The following SLC9A9 variants were observed in gnomAD, a reference collection of about 807,000 sequenced individuals.
SLC9A9 encodes sodium/hydrogen exchanger 9.
In SLC9A9, 62 loss-of-function variants were observed where a neutral mutation model predicts 77.8. That is an observed-to-expected ratio of 0.80 (90% CI 0.65 to 0.98). The LOEUF (loss-of-function observed/expected upper bound fraction) is 0.98. SLC9A9 is among the 50% of genes least tolerant of loss of function. The pLI, the probability that SLC9A9 is intolerant of heterozygous loss-of-function variation, is 0.00. For synonymous variants in SLC9A9, 320 were observed against 283.5 expected (o/e 1.13, Z -1.29); for missense variants, 775 against 774.9 (o/e 1.00, Z 0.00).
intron 7 of SLC9A9, 94 bp from the exon 8 acceptor site, chr3:143,574,287 T>G: frequency 3.9e-5 from 39 of 999,700 alleles, no homozygotes; most frequent in Non-Finnish European, 5.4e-5. Flanking sequence ...ATGATAGCTC[T>G]AGAGCAAAGT....
intron 11 of SLC9A9, among the ~76,000 whole-genome samples, chr3:143,490,340 T>C (rs1392424883): frequency 3.3e-5 from 5 of 152,156 alleles, no homozygotes; most frequent in Admixed American, 2.6e-4. Flanking sequence ...ATTCAGCCTT[T>C]TTAACAGGAA....
At chr3:143,650,629 G>A (rs1475805397) in intron 6 of SLC9A9, among the ~76,000 whole-genome samples, 3 of 152,188 alleles carry the variant, frequency 2.0e-5, no homozygotes, top group Non-Finnish European at 4.4e-5. Flanking sequence ...TTTTACATTG[G>A]AGCTCACTGG....
chr3:143,516,521 T>A (rs920195837), intron 9 of SLC9A9, among the ~76,000 whole-genome samples: 6 of 152,312 alleles, frequency 3.9e-5, no homozygotes, highest in African/African-American at 1.4e-4. Flanking sequence ...ATGCTACATT[T>A]AATTAGCTGC....
chr3:143,542,570 G>A (rs2036707386), intron 9 of SLC9A9, among the ~76,000 whole-genome samples: 1 of 152,150 alleles, frequency 6.6e-6, no homozygotes, highest in East Asian at 1.9e-4. Flanking sequence ...ATAAGGCATG[G>A]ACACACTGCA....
chr3:143,669,940 A>C (rs1434450342), intron 5 of SLC9A9, among the ~76,000 whole-genome samples: 1 of 152,196 alleles, frequency 6.6e-6, no homozygotes, highest in Non-Finnish European at 1.5e-5. Flanking sequence ...CATCAAAACT[A>C]TTAGTGGGTC....
intron 12 of SLC9A9, among the ~76,000 whole-genome samples, chr3:143,416,991 T>A (rs1206632596): frequency 6.6e-6 from 1 of 151,974 alleles, no homozygotes. Context: ...TGGAGGAGGA[T>A]GGGGAAAGGA....
intron 11 of SLC9A9, among the ~76,000 whole-genome samples, chr3:143,469,441 C>G (rs2035339929): frequency 6.6e-6 from 1 of 152,186 alleles, no homozygotes; most frequent in African/African-American, 2.4e-5. Flanking sequence ...AGGTTTGAAT[C>G]ATACATATAA....
intron 2 of SLC9A9, among the ~76,000 whole-genome samples, chr3:143,827,973 C>T (rs372615821): frequency 5.9e-5 from 9 of 152,184 alleles, no homozygotes; most frequent in South Asian, 2.1e-4. Flanking sequence ...AACTGTGAAA[C>T]GCTCTAGGTC....
In SLC9A9 at chr3:143,745,256, A is replaced by G. The variant is rs1218863852; in HGVS notation, c.533+49745T>C. Among the ~76,000 whole-genome samples the G allele has an allele frequency of 2.0e-5, 3 of 152,212 alleles. No homozygotes were observed. The South Asian group carries it at 6.2e-4, about 32-fold the overall frequency. Reference sequence around the variant, plus strand: ...GATCACTGAGTATTTTTTAAAAACCAAGATGTTTTTATAATAAGCTTCTCT... The same window carrying G: ...GATCACTGAGTATTTTTTAAAAACCGAGATGTTTTTATAATAAGCTTCTCT... On this transcript the variant is annotated intron_variant, in intron 4 of 15. Coordinates refer to ENST00000316549, the MANE Select transcript of SLC9A9 (RefSeq NM_173653.4).
intron 2 of SLC9A9, among the ~76,000 whole-genome samples, chr3:143,798,008 C>G (rs1294425281): frequency 1.3e-5 from 2 of 152,210 alleles, no homozygotes; most frequent in African/African-American, 2.4e-5. Flanking sequence ...CTGCTCTTTG[C>G]TCCGTGAGAA....
chr3:143,518,480 C>T (rs1478300408), intron 9 of SLC9A9, among the ~76,000 whole-genome samples: 1 of 152,194 alleles, frequency 6.6e-6, no homozygotes, highest in Admixed American at 6.5e-5. Flanking sequence ...CAGAATTGCT[C>T]TTTACTCCTC....
intron 12 of SLC9A9, among the ~76,000 whole-genome samples, chr3:143,455,796 GT>G (rs775545231): frequency 8.9e-4 from 127 of 142,864 alleles, no homozygotes; most frequent in East Asian, 3.6e-3. Flanking sequence ...ATTTCTAGAA[GT>G]TTTTTTTTTT....
intron 1 of SLC9A9, among the ~76,000 whole-genome samples, chr3:143,840,111 C>T (rs1414720326): frequency 2.0e-5 from 3 of 152,130 alleles, no homozygotes; most frequent in Admixed American, 6.5e-5. Flanking sequence ...CACAGTTTAC[C>T]GGGCCGCACC....
intron 14 of SLC9A9, among the ~76,000 whole-genome samples, chr3:143,350,239 T>C (rs572249346): frequency 5.3e-5 from 8 of 152,322 alleles, no homozygotes; most frequent in African/African-American, 1.9e-4. Flanking sequence ...TCAGATTCTA[T>C]GGATTTGAGG....
chr3:143,820,319 T>C (rs1218129792), intron 2 of SLC9A9, among the ~76,000 whole-genome samples: 1 of 152,192 alleles, frequency 6.6e-6, no homozygotes. Context: ...TGCAAATACA[T>C]CAAGGACAAC....
At chr3:143,715,229 G>A (rs1015079813) in intron 4 of SLC9A9, among the ~76,000 whole-genome samples, 5 of 152,110 alleles carry the variant, frequency 3.3e-5, no homozygotes, top group Non-Finnish European at 7.3e-5. Context: ...TTTAGGGTCT[G>A]TATGGGCTCC....
At chr3:143,407,533 A>G (rs1006069323) in intron 12 of SLC9A9, among the ~76,000 whole-genome samples, 2 of 152,218 alleles carry the variant, frequency 1.3e-5, no homozygotes, top group African/African-American at 4.8e-5. Flanking sequence ...AAAAGAACAT[A>G]TCCATTATCC....
At chr3:143,361,359 C>G (rs1028753658) in intron 14 of SLC9A9, among the ~76,000 whole-genome samples, 1 of 152,152 alleles carries the variant, frequency 6.6e-6, no homozygotes, top group Non-Finnish European at 1.5e-5. Context: ...GGCCAGCAAC[C>G]TGATCTCAGG....
At chr3:143,350,969 G>GCT (rs1206171118) in intron 14 of SLC9A9, among the ~76,000 whole-genome samples, 1 of 152,106 alleles carries the variant, frequency 6.6e-6, no homozygotes, top group Non-Finnish European at 1.5e-5. Context: ...AGAATTGAGG[G>GCT]CTCTCTCTCC....
Sources: gnomAD v4.1 joint callset for allele counts (sites outside exome capture counted in the v4.1 genomes callset) on GRCh38, gnomAD v4.1.1 for gene constraint, MANE v1.5 for transcripts, NCBI Gene and HGNC (gene_info 2026-07-23, HGNC 2026-07-21) for gene names.